COL4A4: variants seen among roughly 807,000 people sequenced by gnomAD.
COL4A4 encodes collagen alpha-4(IV) chain.
COL4A4 carries 105 observed loss-of-function variants against 192.9 expected under a neutral mutation model. That is an observed-to-expected ratio of 0.54 (90% CI 0.46 to 0.64). COL4A4 has a LOEUF of 0.64. COL4A4 is among the 30% of genes least tolerant of loss of function. The pLI is 0.00. For missense variants in COL4A4, 1,967 were observed against 2,169.3 expected (o/e 0.91, Z 1.85); for synonymous variants, 762 against 769.9 (o/e 0.99, Z 0.17).
chr2:227,105,263 T>G (rs2060776146), intron 12 of COL4A4, among the ~76,000 whole-genome samples: 1 of 145,878 alleles, frequency 6.9e-6, no homozygotes, highest in Non-Finnish European at 1.5e-5. Flanking sequence ...CAATCTCAGC[T>G]GACTGCAACC....
chr2:227,144,664 A>G (rs2063429159), intron 2 of COL4A4, 106 bp from the exon 3 acceptor site: 4 of 906,306 alleles, frequency 4.4e-6, no homozygotes, highest in Non-Finnish European at 7.2e-6. Context: ...TTTTATTTCT[A>G]TGAGGCTGCT....
At chr2:227,086,890 A>G (rs1436233363) in intron 22 of COL4A4, among the ~76,000 whole-genome samples, 2 of 152,248 alleles carry the variant, frequency 1.3e-5, no homozygotes, top group Non-Finnish European at 2.9e-5. Flanking sequence ...CTAGCTTCCT[A>G]TTGAGCAGAG....
At chr2:226,982,055 C>G in the COL4A4 span, among the ~76,000 whole-genome samples, 4 of 152,256 alleles carry the variant, frequency 2.6e-5, no homozygotes, top group Non-Finnish European at 4.4e-5. Context: ...TATCATTCCT[C>G]TTTCACATAT....
chr2:227,102,756 A>G (rs2060594190), intron 15 of COL4A4, 33 bp downstream of exon 15: 1 of 1,578,430 alleles, frequency 6.3e-7, no homozygotes, highest in African/African-American at 1.3e-5. Context: ...AATATCTCCA[A>G]ATTCACTGAT....
intron 23 of COL4A4, 44 bp downstream of exon 23, chr2:227,082,071 T>A: frequency 6.7e-7 from 1 of 1,492,628 alleles, no homozygotes; most frequent in Non-Finnish European, 9.4e-7. Context: ...GGTCCATACA[T>A]CATTCATAAA....
intron 38 of COL4A4, among the ~76,000 whole-genome samples, chr2:227,033,116 G>A (rs1247333803): frequency 1.3e-5 from 2 of 152,180 alleles, no homozygotes; most frequent in Non-Finnish European, 2.9e-5. Flanking sequence ...ATAACATTTT[G>A]AAATCTGGCT....
rs530370169 is a variant in COL4A4, at chr2:227,021,415, AGGCAGCTATTAATG to A, written c.4216+619_4216+632del. On this transcript the variant is annotated intron_variant, in intron 44 of 47. Coordinates refer to ENST00000396625, the MANE Select transcript of COL4A4 (RefSeq NM_000092.5). ...AATTGTTTTTAACTCAAAATCAAGT[AGGCAGCTATTAATG>A]ACTGTTCATGGAGCATCTACCATGT... Among the ~76,000 whole-genome samples the A allele has an allele frequency of 9.8e-5, 15 of 152,312 alleles. 1 individual carries two copies. In the South Asian group the frequency reaches 3.1e-3, roughly 32 times the overall value.
At chr2:227,054,788 A>ATTT (rs1367974807) in intron 30 of COL4A4, 51 bp from the exon 31 acceptor site, 1 of 1,551,398 alleles carries the variant, frequency 6.4e-7, no homozygotes, top group African/African-American at 1.4e-5. Context: ...TTTGTTATTT[A>ATTT]TTTTTTCAGG....
chr2:227,065,796 G>A (rs988507354), intron 25 of COL4A4, among the ~76,000 whole-genome samples: 7 of 152,196 alleles, frequency 4.6e-5, no homozygotes, highest in Non-Finnish European at 7.4e-5. Flanking sequence ...AGAAAAACTG[G>A]AAACTCTAAA....
chr2:227,076,017 C>T (rs188522130), intron 25 of COL4A4, among the ~76,000 whole-genome samples: 1 of 152,274 alleles, frequency 6.6e-6, no homozygotes, highest in East Asian at 1.9e-4. Context: ...ACATTATACA[C>T]TCTTGGATAG....
Position 227,045,915 on chromosome 2 carries a change from GTATATGTATATGTA to G in COL4A4, c.3289+1546_3289+1559del, listed in dbSNP as rs1261892168. Among the ~76,000 whole-genome samples the G allele has an allele frequency of 8.5e-3, 251 of 29,514 alleles. 65 individuals carry two copies. Among genetic ancestry groups the G allele is most frequent in the African/African-American group, 0.043 (231 of 5,318 alleles). 19.4% of individuals were successfully genotyped at this position (29,514 alleles called of 152,430 possible). A position where few individuals can be genotyped will look rare whatever the true frequency, so the allele number is the denominator to read the frequency against. The stretch of plus-strand genomic sequence containing the variant: ...ATATTTAGATAGTATATATATGTAT[GTATATGTATATGTA>G]TATATGTATATATGTATATATGTAT... On this transcript the variant is annotated intron_variant, in intron 35 of 47. Transcript: ENST00000396625.
chr2:227,064,995 A>T (rs1405204019), intron 25 of COL4A4, among the ~76,000 whole-genome samples: 1 of 152,198 alleles, frequency 6.6e-6, no homozygotes, highest in Non-Finnish European at 1.5e-5. Context: ...CTCACTAGGG[A>T]GTGCCAGACA....
At position 227,007,291 on chromosome 2, in the gene COL4A4, T is replaced by C; in HGVS notation, c.*34A>G. 6 of 1,614,040 alleles carry C rather than the reference T, an allele frequency of 3.7e-6. No individual in the cohort carries two copies. The highest frequency in any genetic ancestry group is 5.1e-6 in the Non-Finnish European group (6 of 1,179,996). On this transcript the variant is annotated 3_prime_UTR_variant, in exon 48 of 48. Coordinates refer to ENST00000396625, the MANE Select transcript of COL4A4 (RefSeq NM_000092.5). ...GGAAGTCTTAGCCCCCTAGGAAGTT[T>C]CTCTTGGCCACGTGTTGGTGAATTT...
At chr2:226,997,290 C>T in the COL4A4 span, 1 of 152,246 alleles carries the variant, frequency 6.6e-6, no homozygotes, top group African/African-American at 2.4e-5. Context: ...TTACTGCTCT[C>T]TCCCAAATTC....
chr2:226,997,107 A>C, the COL4A4 span: 1 of 152,204 alleles, frequency 6.6e-6, no homozygotes, highest in African/African-American at 2.4e-5. Flanking sequence ...AAATGAGCTA[A>C]GAAAACCACT....
chr2:227,151,854 G>A (rs1216651918), intron 1 of COL4A4, among the ~76,000 whole-genome samples: 1 of 152,206 alleles, frequency 6.6e-6, no homozygotes, highest in Non-Finnish European at 1.5e-5. Flanking sequence ...GCCTGCACCA[G>A]ACACTGAATC....
At chr2:227,101,475 G>A in intron 17 of COL4A4, 29 bp downstream of exon 17, 1 of 1,550,932 alleles carries the variant, frequency 6.4e-7, no homozygotes, top group Non-Finnish European at 8.8e-7. Flanking sequence ...ACTTTTATCA[G>A]GATATATTAA....
intron 12 of COL4A4, among the ~76,000 whole-genome samples, chr2:227,106,706 C>T (rs1430804462): frequency 6.6e-6 from 1 of 152,168 alleles, no homozygotes; most frequent in Non-Finnish European, 1.5e-5. Flanking sequence ...GCTGGGACTA[C>T]AGGCACACGC....
the COL4A4 span, among the ~76,000 whole-genome samples, chr2:226,971,409 C>T: frequency 6.6e-6 from 1 of 152,184 alleles, no homozygotes; most frequent in South Asian, 2.1e-4. Flanking sequence ...TGAAGCAGAA[C>T]GGGCATCTTC....
Sources: allele counts gnomAD v4.1 joint callset (sites outside exome capture counted in the v4.1 genomes callset), GRCh38; gene constraint gnomAD v4.1.1; transcripts MANE v1.5; gene names NCBI Gene and HGNC (gene_info 2026-07-23, HGNC 2026-07-21).